The following TNFSF13B variants were observed in gnomAD, a reference collection of about 807,000 sequenced individuals.
The protein encoded by TNFSF13B is tumor necrosis factor ligand superfamily member 13B.
TNFSF13B carries 8 observed loss-of-function variants against 29.1 expected under a neutral mutation model. The ratio of observed to expected loss-of-function variants is 0.27; its 90% confidence interval spans 0.16 to 0.50. The LOEUF is 0.50. Ranked by LOEUF, TNFSF13B falls within the 20% of genes least tolerant of loss-of-function variation. The pLI, the probability that TNFSF13B is intolerant of heterozygous loss-of-function variation, is 0.98. For missense variants in TNFSF13B, 248 were observed against 334.9 expected, an observed-to-expected ratio of 0.74 and a Z score of 2.03; for synonymous variants, 125 against 130.8, an observed-to-expected ratio of 0.96 and a Z score of 0.30.
chr13:108,283,511 T>A (rs929854281), intron 2 of TNFSF13B, among the ~76,000 whole-genome samples: 2 of 152,224 alleles, frequency 1.3e-5, no homozygotes, highest in African/African-American at 4.8e-5. Context: ...TTTTTCAATG[T>A]GTAGGTTGTG....
rs1012146187 is a variant in TNFSF13B, at chr13:108,269,743, AAGG to A, written c.-150_-148del. ...AGGGGTAGAGATGCAGAAAGGCAGA[AAGG>A]AGAAAATTCAGGATAACTCTCCTGA... On this transcript the variant is annotated 5_prime_UTR_variant, in exon 1 of 6. Coordinates refer to ENST00000375887, the MANE Select transcript of TNFSF13B (RefSeq NM_006573.5). 3 of 702,534 alleles carry A rather than the reference AAGG, an allele frequency of 4.3e-6. No individual in the cohort carries two copies. The African/African-American group carries it at 5.3e-5, about 13-fold the overall frequency. The allele number at this position is 702,534 out of a possible 1,614,324, so 43.5% of individuals were successfully genotyped here.
chr13:108,286,693 A>G lies in TNFSF13B; in HGVS notation c.425-110A>G, dbSNP rs1881146622. On this transcript the variant is annotated intron_variant, in intron 2 of 5. Transcript: ENST00000375887. ...GAATAATGTCATGCAATCAATGTAA[A>G]AAGTATAATTGATTTAGTGTTTCTG... is the stretch of plus-strand genomic sequence containing the variant. 1.2e-5 allele frequency: 7 copies of G among 571,548 alleles called. No homozygotes were observed. In the East Asian group the frequency reaches 2.4e-4, roughly 19 times the overall value. The allele number at this position is 571,548 out of a possible 1,614,324, so 35.4% of individuals were successfully genotyped here. A position where few individuals can be genotyped will look rare whatever the true frequency, so the allele number is the denominator to read the frequency against.
intron 3 of TNFSF13B, among the ~76,000 whole-genome samples, chr13:108,290,539 T>C (rs1881275795): frequency 6.6e-6 from 1 of 152,192 alleles, no homozygotes; most frequent in Non-Finnish European, 1.5e-5. Flanking sequence ...TTAAGAACCA[T>C]TTGTATTTCT....
chr13:108,303,862 C>T (rs2139071164), intron 5 of TNFSF13B, among the ~76,000 whole-genome samples: 1 of 152,204 alleles, frequency 6.6e-6, no homozygotes, highest in Middle Eastern at 3.4e-3. Context: ...CAACTTCTAC[C>T]TTGTACATAA....
At chr13:108,280,825 G>T (rs1880925492) in intron 2 of TNFSF13B, among the ~76,000 whole-genome samples, 1 of 151,936 alleles carries the variant, frequency 6.6e-6, no homozygotes, top group Admixed American at 6.6e-5. Flanking sequence ...GAGTGGATAT[G>T]TGACAATGAT....
intron 2 of TNFSF13B, among the ~76,000 whole-genome samples, chr13:108,281,439 T>C (rs1328360137): frequency 6.6e-6 from 1 of 152,190 alleles, no homozygotes; most frequent in Non-Finnish European, 1.5e-5. Context: ...AAACTATTGG[T>C]CACGACTTCA....
intron 3 of TNFSF13B, among the ~76,000 whole-genome samples, chr13:108,288,289 A>G (rs934429011): frequency 1.1e-4 from 17 of 152,336 alleles, no homozygotes; most frequent in Middle Eastern, 3.4e-3. Context: ...ACAATATTTT[A>G]ATTACTGTAT....
rs151202464 is a variant in TNFSF13B, at chr13:108,270,414, A to G, written c.414A>G (p.Pro138=). 9.3e-6 allele frequency: 15 copies of G among 1,614,054 alleles called. No individual in the cohort carries two copies. The highest frequency in any genetic ancestry group is 1.2e-5 in the Non-Finnish European group (14 of 1,179,904). Residue 138 remains proline (P), a synonymous_variant, in exon 2 of 6, where the codon CCA becomes CCG. Coordinates refer to ENST00000375887, the MANE Select transcript of TNFSF13B (RefSeq NM_006573.5). Reference sequence around the variant, plus strand: ...GAAATAAGCGTGCCGTTCAGGGTCCAGAAGAAACAGGTATGTTTTGGGCAC... The same window carrying G: ...GAAATAAGCGTGCCGTTCAGGGTCCGGAAGAAACAGGTATGTTTTGGGCAC... ...NSRNKRAVQG[P]EETVTQDCLQ... is the part of the protein sequence containing the mutation.
chr13:108,297,215 A>G (rs1881479091), intron 3 of TNFSF13B, among the ~76,000 whole-genome samples: 1 of 145,850 alleles, frequency 6.9e-6, no homozygotes, highest in Admixed American at 6.8e-5. Context: ...TTTCCCACAT[A>G]TAGAATACAT....
At chr13:108,288,025 A>G (rs1881193455) in intron 3 of TNFSF13B, among the ~76,000 whole-genome samples, 1 of 152,214 alleles carries the variant, frequency 6.6e-6, no homozygotes, top group Admixed American at 6.5e-5. Flanking sequence ...CACATTAGCA[A>G]GTTATTGAAT....
intron 3 of TNFSF13B, among the ~76,000 whole-genome samples, chr13:108,296,679 T>C (rs951016904): frequency 6.8e-6 from 1 of 146,042 alleles, no homozygotes; most frequent in Admixed American, 6.8e-5. Context: ...GTTTTGTTCC[T>C]CAATTCCTTT....
chr13:108,272,553 C>A (rs1880648972), intron 2 of TNFSF13B, among the ~76,000 whole-genome samples: 1 of 151,904 alleles, frequency 6.6e-6, no homozygotes, highest in Non-Finnish European at 1.5e-5. Flanking sequence ...TTTAACTTCC[C>A]CCTCTCTCTT....
intron 2 of TNFSF13B, among the ~76,000 whole-genome samples, chr13:108,278,233 G>A (rs748983277): frequency 2.4e-4 from 37 of 152,054 alleles, no homozygotes; most frequent in East Asian, 1.9e-4. Context: ...AGGGTATTAC[G>A]ATTAATGCCA....
rs59978102 is a variant in TNFSF13B, at chr13:108,274,139, G to A, written c.424+3715G>A. 6.9e-4 allele frequency among the ~76,000 whole-genome samples: 105 copies of A among 151,988 alleles called. 1 individual carries two copies. Among genetic ancestry groups the A allele is most frequent in the African/African-American group, 2.4e-3 (101 of 41,470 alleles). ...TGAAATGCGTATTGATTGAGTTTTTGTTATCAGAAAGGCTTCTGGTCAACA... is the reference window on the plus strand; with the variant it reads ...TGAAATGCGTATTGATTGAGTTTTTATTATCAGAAAGGCTTCTGGTCAACA... On this transcript the variant is annotated intron_variant, in intron 2 of 5. Coordinates refer to ENST00000375887, the MANE Select transcript of TNFSF13B (RefSeq NM_006573.5).
Position 108,295,511 on chromosome 13 carries a change from A to G in TNFSF13B, c.482-7742A>G, listed in dbSNP as rs1322354125. Among the ~76,000 whole-genome samples, 7 of 144,110 alleles carry G rather than the reference A, an allele frequency of 4.9e-5. 1 individual carries two copies. The highest frequency in any genetic ancestry group is 3.1e-5 in the Non-Finnish European group (2 of 65,032). 94.5% of individuals were successfully genotyped at this position (144,110 alleles called of 152,430 possible). A position where few individuals can be genotyped will look rare whatever the true frequency, so the allele number is the denominator to read the frequency against. ...CAGTCCTTTTTGTACTCTTTATTCC[A>G]TCTACCTTCTTTATTATTACCTTCT... On this transcript the variant is annotated intron_variant, in intron 3 of 5. Transcript: ENST00000375887.
At chr13:108,271,602 T>C (rs956388177) in intron 2 of TNFSF13B, among the ~76,000 whole-genome samples, 5 of 152,200 alleles carry the variant, frequency 3.3e-5, no homozygotes, top group African/African-American at 1.2e-4. Context: ...TGTATCTTTA[T>C]ACTAGTTATC....
At chr13:108,289,976 G>C (rs1482402633) in intron 3 of TNFSF13B, among the ~76,000 whole-genome samples, 1 of 152,102 alleles carries the variant, frequency 6.6e-6, no homozygotes, top group Non-Finnish European at 1.5e-5. Flanking sequence ...AGCATGAAGA[G>C]TGTGGATTGC....
intron 2 of TNFSF13B, among the ~76,000 whole-genome samples, chr13:108,273,384 G>A (rs940490073): frequency 9.9e-5 from 15 of 151,980 alleles, no homozygotes; most frequent in African/African-American, 3.6e-4. Flanking sequence ...GTAGATACTG[G>A]TCTATTTTCT....
intron 5 of TNFSF13B, among the ~76,000 whole-genome samples, chr13:108,305,288 T>A (rs1250878731): frequency 6.6e-6 from 1 of 152,140 alleles, no homozygotes; most frequent in East Asian, 1.9e-4. Context: ...CCTGAAAAGA[T>A]GTAAATGGCC....
Sources: allele counts gnomAD v4.1 joint callset (sites outside exome capture counted in the v4.1 genomes callset), GRCh38; gene constraint gnomAD v4.1.1; transcripts MANE v1.5; gene names NCBI Gene and HGNC (gene_info 2026-07-23, HGNC 2026-07-21).